The following FBXL7 variants were observed in gnomAD, a reference collection of about 807,000 sequenced individuals.
FBXL7 encodes F-box/LRR-repeat protein 7.
FBXL7 carries 12 observed loss-of-function variants against 38.3 expected under a neutral mutation model. The ratio of observed to expected loss-of-function variants is 0.31; its 90% CI spans 0.20 to 0.51. FBXL7 has a LOEUF of 0.51. Among genes scored for constraint, FBXL7 ranks in the 20% least tolerant of loss-of-function variants. The probability of loss-of-function intolerance (pLI) is 0.98; values close to 1 mark genes in which losing one functional copy is unlikely to be tolerated. For synonymous variants in FBXL7, 297 were observed against 300.9 expected (o/e 0.99, Z 0.13); for missense variants, 567 against 676.4 (o/e 0.84, Z 1.79).
chr5:15,726,816 A>G (rs887029458), intron 2 of FBXL7, among the ~76,000 whole-genome samples: 3 of 151,902 alleles, frequency 2.0e-5, no homozygotes, highest in African/African-American at 4.8e-5. Flanking sequence ...AGTTTAATCT[A>G]TTTACATTTA....
intron 2 of FBXL7, among the ~76,000 whole-genome samples, chr5:15,861,201 T>C (rs968161156): frequency 8.5e-5 from 13 of 152,204 alleles, no homozygotes; most frequent in African/African-American, 3.1e-4. Context: ...CACTTTCTTA[T>C]AATTCAGACA....
chr5:15,615,050 A>T (rs1021931302), intron 1 of FBXL7, among the ~76,000 whole-genome samples: 2 of 152,224 alleles, frequency 1.3e-5, no homozygotes, highest in African/African-American at 4.8e-5. Flanking sequence ...TGATGCGGAC[A>T]TGGATACCAT....
At chr5:15,803,499 AT>A (rs1346531460) in intron 2 of FBXL7, among the ~76,000 whole-genome samples, 1 of 152,164 alleles carries the variant, frequency 6.6e-6, no homozygotes, top group Non-Finnish European at 1.5e-5. Flanking sequence ...CAAATTAAAT[AT>A]TCTTTGTTAC....
chr5:15,609,048 C>G (rs1740130666), intron 1 of FBXL7, among the ~76,000 whole-genome samples: 1 of 152,208 alleles, frequency 6.6e-6, no homozygotes. Context: ...TAAGCCAACT[C>G]TGCCTCCAGA....
chr5:15,859,525 G>A (rs535958326), intron 2 of FBXL7, among the ~76,000 whole-genome samples: 27 of 152,250 alleles, frequency 1.8e-4, no homozygotes, highest in African/African-American at 6.5e-4. Context: ...ACAGTTCCAC[G>A]TGGCTCGGGA....
chr5:15,738,561 C>A (rs891183282), intron 2 of FBXL7, among the ~76,000 whole-genome samples: 4 of 152,124 alleles, frequency 2.6e-5, no homozygotes, highest in South Asian at 2.1e-4. Context: ...GAAAACAGCT[C>A]TCTTGGTCAA....
chr5:15,890,584 G>A (rs901309384), intron 2 of FBXL7, among the ~76,000 whole-genome samples: 3 of 152,096 alleles, frequency 2.0e-5, no homozygotes, highest in East Asian at 1.9e-4. Flanking sequence ...TGTGAACTGC[G>A]CATGCAACGG....
intron 2 of FBXL7, among the ~76,000 whole-genome samples, chr5:15,652,051 C>T (rs1741726286): frequency 6.6e-6 from 1 of 152,126 alleles, no homozygotes; most frequent in Non-Finnish European, 1.5e-5. Context: ...CCTTAGCTTC[C>T]AACTTTTCTT....
intron 2 of FBXL7, among the ~76,000 whole-genome samples, chr5:15,743,488 C>T (rs1286993920): frequency 2.0e-5 from 3 of 152,232 alleles, no homozygotes; most frequent in Non-Finnish European, 4.4e-5. Context: ...AGGTGGCTCC[C>T]ACCATCTTGC....
chr5:15,520,956 T>C (rs1737081265), intron 1 of FBXL7, among the ~76,000 whole-genome samples: 1 of 152,234 alleles, frequency 6.6e-6, no homozygotes, highest in Non-Finnish European at 1.5e-5. Context: ...AGTACTCTTG[T>C]TCTGGGGACT....
rs191306459 is a variant in FBXL7, at chr5:15,810,017, G to A, written c.128-117873G>A. On this transcript the variant is annotated intron_variant, in intron 2 of 3. Transcript: ENST00000504595. ...ACAAAATATTTTGCTCAATATTTCA[G>A]CAAGTATAACTCTAATCTATTTTGG... 3.9e-5 allele frequency among the ~76,000 whole-genome samples: 6 copies of A among 152,130 alleles called. No individual in the cohort carries two copies. In the East Asian group the frequency reaches 9.7e-4, roughly 24 times the overall value.
At chr5:15,790,689 C>T (rs918667053) in intron 2 of FBXL7, among the ~76,000 whole-genome samples, 1 of 152,038 alleles carries the variant, frequency 6.6e-6, no homozygotes, top group African/African-American at 2.4e-5. Context: ...TGTAATGCAC[C>T]TGATGTTTAG....
At chr5:15,616,605 C>T (rs939317128) in intron 2 of FBXL7, among the ~76,000 whole-genome samples, 4 of 152,054 alleles carry the variant, frequency 2.6e-5, no homozygotes, top group Non-Finnish European at 5.9e-5. Context: ...AAAGATTGGT[C>T]GCAGTGATTT....
intron 2 of FBXL7, among the ~76,000 whole-genome samples, chr5:15,820,699 C>CA (rs963856045): frequency 6.6e-6 from 1 of 151,972 alleles, no homozygotes; most frequent in Admixed American, 6.6e-5. Context: ...TTCTCCGCAT[C>CA]AAAAAAATGA....
chr5:15,710,290 T>G (rs549007565), intron 2 of FBXL7, among the ~76,000 whole-genome samples: 36 of 152,226 alleles, frequency 2.4e-4, no homozygotes, highest in African/African-American at 7.7e-4. Flanking sequence ...CATGTCCTCT[T>G]GCACACTCTG....
At chr5:15,911,475 C>G (rs934584143) in intron 2 of FBXL7, among the ~76,000 whole-genome samples, 19 of 139,752 alleles carry the variant, frequency 1.4e-4, no homozygotes, top group South Asian at 6.3e-4. Context: ...TTTGAATGTC[C>G]TCCCGTAGGT....
intron 2 of FBXL7, among the ~76,000 whole-genome samples, chr5:15,840,718 G>A (rs534120672): frequency 4.3e-4 from 65 of 151,888 alleles, no homozygotes; most frequent in Non-Finnish European, 7.5e-4. Flanking sequence ...ACGGTGGCAC[G>A]CGCTTGTAGT....
chr5:15,800,183 A>T (rs528644070), intron 2 of FBXL7, among the ~76,000 whole-genome samples: 1 of 152,294 alleles, frequency 6.6e-6, no homozygotes, highest in African/African-American at 2.4e-5. Context: ...TAAGAGTGGA[A>T]GTAGATTGAT....
intron 2 of FBXL7, among the ~76,000 whole-genome samples, chr5:15,818,807 T>G (rs1443642018): frequency 6.6e-6 from 1 of 151,334 alleles, no homozygotes; most frequent in African/African-American, 2.4e-5. Context: ...AAGAAGAACA[T>G]ATTAGTTATT....
Sources: gnomAD v4.1 joint callset for allele counts (sites outside exome capture counted in the v4.1 genomes callset) on GRCh38, gnomAD v4.1.1 for gene constraint, MANE v1.5 for transcripts, NCBI Gene and HGNC (gene_info 2026-07-23, HGNC 2026-07-21) for gene names.